GABRG3: variants seen among roughly 807,000 people sequenced by gnomAD.
The protein encoded by GABRG3 is gamma-aminobutyric acid receptor subunit gamma-3.
A neutral mutation model predicts 48.8 loss-of-function variants in GABRG3; 25 were observed. The observed-to-expected ratio is 0.51, with a 90% CI of 0.37 to 0.72. The LOEUF (loss-of-function observed/expected upper bound fraction) is 0.72, where lower values mean the gene tolerates loss of function less well. Ranked by LOEUF, GABRG3 falls within the 30% of genes least tolerant of loss-of-function variation. The pLI, the probability that GABRG3 is intolerant of heterozygous loss-of-function variation, is 0.00. For synonymous variants in GABRG3, 227 were observed against 217.6 expected, an observed-to-expected ratio of 1.04 and a Z score of -0.38; for missense variants, 394 against 577.9, an observed-to-expected ratio of 0.68 and a Z score of 3.26.
At chr15:27,451,095 G>A (rs766573588) in intron 5 of GABRG3, among the ~76,000 whole-genome samples, 8 of 152,038 alleles carry the variant, frequency 5.3e-5, no homozygotes, top group Non-Finnish European at 1.0e-4. Context: ...TTGTCAAAAC[G>A]TTCATACTAC....
chr15:27,377,228 G>C (rs1193864536), intron 5 of GABRG3, among the ~76,000 whole-genome samples: 1 of 152,138 alleles, frequency 6.6e-6, no homozygotes, highest in African/African-American at 2.4e-5. Context: ...TTTTGTCAAA[G>C]CTATTCAACA....
At chr15:27,131,487 G>A (rs1014308453) in intron 3 of GABRG3, among the ~76,000 whole-genome samples, 1 of 151,976 alleles carries the variant, frequency 6.6e-6, no homozygotes, top group East Asian at 1.9e-4. Context: ...ATATTGGTTT[G>A]TAGTTTTGTC....
chr15:27,517,940 C>T (rs1197888055), intron 6 of GABRG3, among the ~76,000 whole-genome samples: 1 of 152,030 alleles, frequency 6.6e-6, no homozygotes, highest in East Asian at 1.9e-4. Flanking sequence ...ATGTTTCTAT[C>T]AACAACTCTA....
At chr15:27,444,796 T>G (rs1410876274) in intron 5 of GABRG3, among the ~76,000 whole-genome samples, 1 of 152,218 alleles carries the variant, frequency 6.6e-6, no homozygotes, top group Non-Finnish European at 1.5e-5. Flanking sequence ...CTTTTATACT[T>G]TAGAAGTTTG....
At position 27,352,083 on chromosome 15, in the gene GABRG3, CAT is replaced by C. The variant is rs1212839727; in HGVS notation, c.574+23196_574+23197del. 2.5e-5 allele frequency among the ~76,000 whole-genome samples: 3 copies of C among 119,040 alleles called. No homozygotes were observed. Among genetic ancestry groups the C allele is most frequent in the Non-Finnish European group, 5.4e-5 (3 of 55,474 alleles). 78.1% of individuals were successfully genotyped at this position (119,040 alleles called of 152,430 possible). On this transcript the variant is annotated intron_variant, in intron 5 of 9. Coordinates refer to ENST00000615808, the MANE Select transcript of GABRG3 (RefSeq NM_033223.5). This position sits in a 1 kb window ranked among gnomAD's most constrained non-coding sequence, Gnocchi z 4.0. ...GTGTATCGTGTGTGTGTGTATGGTG[CAT>C]GTGTGTGTATGATGTGTGTATGTAT...
chr15:27,520,727 C>T (rs893689741), intron 7 of GABRG3, among the ~76,000 whole-genome samples: 1 of 149,524 alleles, frequency 6.7e-6, no homozygotes, highest in Non-Finnish European at 1.5e-5. Flanking sequence ...AGGAATTTTG[C>T]TTAACTTTCA....
intron 3 of GABRG3, among the ~76,000 whole-genome samples, chr15:27,078,477 T>C (rs1896944320): frequency 6.6e-6 from 1 of 152,196 alleles, no homozygotes; most frequent in Non-Finnish European, 1.5e-5. Context: ...TTTCTTTTTA[T>C]GAAAGGAAAA....
rs367752651 is a variant in GABRG3, at chr15:27,285,651, A to C, written c.271-41158A>C. Among the ~76,000 whole-genome samples the C allele has an allele frequency of 3.9e-5, 6 of 152,208 alleles. No homozygotes were observed. The East Asian group carries it at 9.6e-4, about 24-fold the overall frequency. ...TCAAGTCTGTTAGCATAAGCTGTTA[A>C]TATTAGGATGACAGAGGCACTGCCA... is the stretch of plus-strand genomic sequence containing the variant. On this transcript the variant is annotated intron_variant, in intron 3 of 9. Transcript: ENST00000615808.
intron 2 of GABRG3, among the ~76,000 whole-genome samples, chr15:27,000,428 C>A (rs1028677937): frequency 1.3e-5 from 2 of 152,106 alleles, no homozygotes; most frequent in African/African-American, 4.8e-5. Context: ...GTACTCTACC[C>A]AAAGCTGGTA....
intron 5 of GABRG3, among the ~76,000 whole-genome samples, chr15:27,370,439 G>A (rs547426962): frequency 9.2e-5 from 14 of 152,222 alleles, no homozygotes; most frequent in African/African-American, 3.4e-4. Flanking sequence ...ACAACCTAAC[G>A]CTGCCAGTCT....
chr15:27,131,842 G>A (rs1201185345), intron 3 of GABRG3, among the ~76,000 whole-genome samples: 1 of 151,914 alleles, frequency 6.6e-6, no homozygotes, highest in Non-Finnish European at 1.5e-5. Context: ...GTAAGGTGAT[G>A]TCTTACTGTG....
intron 5 of GABRG3, among the ~76,000 whole-genome samples, chr15:27,397,802 ATT>A (rs10562407): frequency 0.43 from 52,123 of 120,844 alleles, 8,692 homozygotes; most frequent in East Asian, 0.73. Context: ...TCTCTGAAAA[ATT>A]TTTTTTTTTT....
At chr15:27,201,109 G>A (rs1162555973) in intron 3 of GABRG3, among the ~76,000 whole-genome samples, 1 of 152,088 alleles carries the variant, frequency 6.6e-6, no homozygotes, top group Non-Finnish European at 1.5e-5. Flanking sequence ...TTGGATAATG[G>A]TGTCTGCTTT....
At chr15:27,340,891 T>C in intron 5 of GABRG3, 1 of 434,976 alleles carries the variant, frequency 2.3e-6, no homozygotes, top group South Asian at 1.9e-5. Context: ...CATGGTTCTG[T>C]TATGTACTTT....
chr15:27,506,427 C>T (rs539494108), intron 6 of GABRG3, among the ~76,000 whole-genome samples: 2 of 152,080 alleles, frequency 1.3e-5, no homozygotes, highest in African/African-American at 2.4e-5. Flanking sequence ...TAAATAAGAA[C>T]GCTGCCATAT....
intron 3 of GABRG3, among the ~76,000 whole-genome samples, chr15:27,274,992 G>A (rs1026886553): frequency 3.3e-5 from 5 of 152,228 alleles, no homozygotes; most frequent in Admixed American, 6.5e-5. Context: ...TAGAAATGCC[G>A]AGAGTTTCTA....
rs571476547 is a variant in GABRG3 at position 27,144,578 on chromosome 15, A to C, written c.270+117757A>C. ...AGAGAAAGCTCACCAAAAAATTCAAAGGAAAAGCTAAGGAGTGAGATGTGC... is the reference window on the plus strand; with the variant it reads ...AGAGAAAGCTCACCAAAAAATTCAACGGAAAAGCTAAGGAGTGAGATGTGC... On this transcript the variant is annotated intron_variant, in intron 3 of 9. Transcript: ENST00000615808. Among the ~76,000 whole-genome samples the C allele has an allele frequency of 8.1e-4, 123 of 152,218 alleles. 1 individual carries two copies. The highest frequency in any genetic ancestry group is 1.5e-3 in the Non-Finnish European group (101 of 68,034).
At chr15:27,250,058 T>G (rs1031636834) in intron 3 of GABRG3, among the ~76,000 whole-genome samples, 1 of 152,058 alleles carries the variant, frequency 6.6e-6, no homozygotes, top group Non-Finnish European at 1.5e-5. Flanking sequence ...CATCCTCCTG[T>G]CTGTTCTTTT....
intron 5 of GABRG3, among the ~76,000 whole-genome samples, chr15:27,354,763 A>G (rs907399539): frequency 2.6e-5 from 4 of 152,222 alleles, no homozygotes; most frequent in Admixed American, 2.0e-4. Flanking sequence ...GTATGATTCA[A>G]TTCCCACAAG....
Sources: allele counts gnomAD v4.1 joint callset (sites outside exome capture counted in the v4.1 genomes callset), GRCh38; gene constraint gnomAD v4.1.1; non-coding constraint Gnocchi (gnomAD v3.1); transcripts MANE v1.5; gene names NCBI Gene and HGNC (gene_info 2026-07-23, HGNC 2026-07-21).